Variants in OR3A2 observed in about 807,000 individuals in gnomAD.
The protein encoded by OR3A2 is olfactory receptor family 3 subfamily A member 2.
For synonymous variants in OR3A2, 126 were observed against 159.3 expected (o/e 0.79, Z 1.57); for missense variants, 318 against 392.8 (o/e 0.81, Z 1.61).
At chr17:3,321,729 C>G (rs1234999172) in intron 3 of OR3A2, among the ~76,000 whole-genome samples, 3 of 152,066 alleles carry the variant, frequency 2.0e-5, no homozygotes, top group Admixed American at 2.0e-4. Context: ...AGGGATGAAG[C>G]CCACTTGATC....
At chr17:3,384,995 C>G (rs1460842016) in intron 1 of OR3A2, among the ~76,000 whole-genome samples, 1 of 152,048 alleles carries the variant, frequency 6.6e-6, no homozygotes, top group Non-Finnish European at 1.5e-5. Flanking sequence ...AGTTCGAGAC[C>G]AGCCTGACCA....
chr17:3,311,566 A>T lies in OR3A2; in HGVS notation c.-85+24467T>A, dbSNP rs1473369407. On this transcript the variant is annotated intron_variant, in intron 3 of 4. Coordinates refer to the OR3A2 transcript ENST00000573491. The surrounding 1 kb of genome is among the most constrained non-coding windows in gnomAD (Gnocchi z 4.6). Reference sequence around the variant, plus strand: ...ACCTCTTTTCCAGCTCTCTTGCTCCAGCATCCACCTCAATGGGCAGCTGCT... The same window carrying T: ...ACCTCTTTTCCAGCTCTCTTGCTCCTGCATCCACCTCAATGGGCAGCTGCT... 4.7e-6 allele frequency: 2 copies of T among 425,134 alleles called. No individual in the cohort carries two copies. The highest frequency in any genetic ancestry group is 9.5e-6 in the Non-Finnish European group (2 of 210,762). The allele number at this position is 425,134 out of a possible 1,614,324, so 26.3% of individuals were successfully genotyped here.
rs187614696 is a variant in OR3A2, at chr17:3,382,106, C to T, written c.-179+1698G>A. On this transcript the variant is annotated intron_variant, in intron 2 of 4. Transcript: ENST00000573491. ...GGTTTCCTGGAGGAGTGGAGCTGGG[C>T]GGGGTACTGGGATAGGGTAGGAAGA... Among the ~76,000 whole-genome samples the T allele has an allele frequency of 8.2e-4, 125 of 151,882 alleles. 1 individual carries two copies. Among genetic ancestry groups the T allele is most frequent in the African/African-American group, 2.9e-3 (119 of 41,410 alleles).
At chr17:3,286,836 T>C (rs2048817494), upstream of OR3A2, among the ~76,000 whole-genome samples, 1 of 152,316 alleles carries the variant, frequency 6.6e-6, no homozygotes, top group East Asian at 1.9e-4. Flanking sequence ...GTCAGATGGA[T>C]AGATTGCAAA....
intron 3 of OR3A2, among the ~76,000 whole-genome samples, chr17:3,316,321 G>C (rs1208990322): frequency 6.6e-6 from 1 of 152,186 alleles, no homozygotes; most frequent in African/African-American, 2.4e-5. Context: ...CAACACATCT[G>C]TGAACTGTTG....
intron 2 of OR3A2, among the ~76,000 whole-genome samples, chr17:3,373,558 C>CT (rs1250590885): frequency 6.6e-6 from 1 of 152,100 alleles, no homozygotes. Context: ...CTCTCTTTGT[C>CT]TTTTTTAACT....
At chr17:3,341,288 G>GA (rs2049316308) in intron 2 of OR3A2, among the ~76,000 whole-genome samples, 2 of 152,008 alleles carry the variant, frequency 1.3e-5, no homozygotes, top group African/African-American at 4.8e-5. Context: ...TGTTATGTGT[G>GA]AATTTGATTC....
In OR3A2 at chr17:3,292,210, G is replaced by C. The variant is rs188930692; in HGVS notation, c.-84-13057C>G. Reference sequence around the variant, plus strand: ...AGGGGCCGGCAGATGGCCAGGAATCGGTCATAGGCCATGGCGGTCAGCAGG... The same window carrying C: ...AGGGGCCGGCAGATGGCCAGGAATCCGTCATAGGCCATGGCGGTCAGCAGG... On this transcript the variant is annotated intron_variant, in intron 3 of 4. Transcript: ENST00000573491. 3 of 1,614,000 alleles carry C rather than the reference G, an allele frequency of 1.9e-6. No homozygotes were observed. The African/African-American group carries it at 4.0e-5, about 22-fold the overall frequency.
At chr17:3,313,555 A>C (rs1489860224) in intron 3 of OR3A2, among the ~76,000 whole-genome samples, 4 of 152,188 alleles carry the variant, frequency 2.6e-5, no homozygotes, top group Non-Finnish European at 5.9e-5. Context: ...TTTCTGATCA[A>C]ATCTAGACCT....
chr17:3,347,204 C>T (rs969473787), intron 2 of OR3A2, among the ~76,000 whole-genome samples: 1 of 150,624 alleles, frequency 6.6e-6, no homozygotes, highest in Non-Finnish European at 1.5e-5. Flanking sequence ...ATGTTGAGTA[C>T]CTTTTCATAT....
chr17:3,293,872 T>C (rs565963154), intron 3 of OR3A2, among the ~76,000 whole-genome samples: 1 of 152,116 alleles, frequency 6.6e-6, no homozygotes, highest in Non-Finnish European at 1.5e-5. Context: ...AACCAAACAC[T>C]GCATGCCCTC....
At chr17:3,351,560 A>G (rs1281015893) in intron 2 of OR3A2, among the ~76,000 whole-genome samples, 3 of 123,994 alleles carry the variant, frequency 2.4e-5, no homozygotes, top group Non-Finnish European at 5.0e-5. Flanking sequence ...AGAACATTCC[A>G]TGCTCATGGG....
chr17:3,334,743 GGC>G (rs1183199108), intron 3 of OR3A2, among the ~76,000 whole-genome samples: 1 of 152,144 alleles, frequency 6.6e-6, no homozygotes, highest in African/African-American at 2.4e-5. Flanking sequence ...TCCATATAGA[GGC>G]ATACAATCAT....
intron 2 of OR3A2, among the ~76,000 whole-genome samples, chr17:3,369,526 TATTC>T (rs1294365067): frequency 6.6e-6 from 1 of 152,220 alleles, no homozygotes; most frequent in Non-Finnish European, 1.5e-5. Context: ...TTACATGGTG[TATTC>T]ATTTATTGAC....
At chr17:3,330,516 A>G (rs1232998567) in intron 3 of OR3A2, among the ~76,000 whole-genome samples, 1 of 152,112 alleles carries the variant, frequency 6.6e-6, no homozygotes, top group Non-Finnish European at 1.5e-5. Context: ...CTGATTTATC[A>G]GAGACTAGGA....
intron 2 of OR3A2, among the ~76,000 whole-genome samples, chr17:3,371,834 CA>C (rs1206654935): frequency 3.6e-5 from 5 of 140,526 alleles, no homozygotes; most frequent in African/African-American, 5.4e-5. Flanking sequence ...CTGACCTCCC[CA>C]CCACCTCCCG....
At position 3,351,297 on chromosome 17, in the gene OR3A2, C is replaced by A. The variant is rs1235740475; in HGVS notation, c.-178-15171G>T. 1.1e-4 allele frequency among the ~76,000 whole-genome samples: 9 copies of A among 78,742 alleles called. 1 individual carries two copies. The highest frequency in any genetic ancestry group is 5.8e-4 in the South Asian group (1 of 1,736). 51.7% of individuals were successfully genotyped at this position (78,742 alleles called of 152,430 possible). ...TCTAGAAAACCCCATTGTGTCAGCC[C>A]AAAATCTCCTTAAGCTGATAAGCAA... On this transcript the variant is annotated intron_variant, in intron 2 of 4. Coordinates refer to the OR3A2 transcript ENST00000573491.
intron 2 of OR3A2, among the ~76,000 whole-genome samples, chr17:3,353,143 C>A (rs1228090460): frequency 6.8e-6 from 1 of 147,256 alleles, no homozygotes; most frequent in Non-Finnish European, 1.5e-5. Context: ...AAGGGTATAT[C>A]TAGGTTAATT....
chr17:3,328,709 C>G (rs2049199342), intron 3 of OR3A2, among the ~76,000 whole-genome samples: 1 of 146,504 alleles, frequency 6.8e-6, no homozygotes, highest in Non-Finnish European at 1.5e-5. Flanking sequence ...ATAGATAGCT[C>G]TTATTATTTT....
Sources: allele counts gnomAD v4.1 joint callset (sites outside exome capture counted in the v4.1 genomes callset), GRCh38; gene constraint gnomAD v4.1.1; non-coding constraint Gnocchi (gnomAD v3.1); transcripts MANE v1.5; gene names NCBI Gene and HGNC (gene_info 2026-07-23, HGNC 2026-07-21).